AGBL4: variants seen among roughly 807,000 people sequenced by gnomAD.
AGBL4 encodes AGBL carboxypeptidase 4.
AGBL4 carries 58 observed loss-of-function variants against 66.4 expected under a neutral mutation model. That is an observed-to-expected ratio of 0.87 (90% confidence interval 0.71 to 1.09). AGBL4 has a LOEUF of 1.09. Ranked by LOEUF, AGBL4 falls within the 50% of genes least tolerant of loss-of-function variation. The pLI is 0.00. For synonymous variants in AGBL4, 234 were observed against 222.9 expected (o/e 1.05, Z -0.44); for missense variants, 579 against 631.0 (o/e 0.92, Z 0.88).
At chr1:49,118,567 A>G (rs2148037904) in intron 4 of AGBL4, among the ~76,000 whole-genome samples, 1 of 152,312 alleles carries the variant, frequency 6.6e-6, no homozygotes. Flanking sequence ...TGTGGTGGAT[A>G]AGCTTTTTGA....
intron 2 of AGBL4, among the ~76,000 whole-genome samples, chr1:49,765,600 C>A (rs1035812664): frequency 2.6e-5 from 4 of 151,760 alleles, no homozygotes; most frequent in African/African-American, 9.7e-5. Context: ...GGTCTCTAAC[C>A]AAAATGCAAA....
intron 1 of AGBL4, among the ~76,000 whole-genome samples, chr1:49,902,008 C>A (rs963239725): frequency 6.6e-6 from 1 of 152,128 alleles, no homozygotes; most frequent in East Asian, 1.9e-4. Flanking sequence ...GAAACTGGAC[C>A]CCTTCCTTAC....
intron 11 of AGBL4, chr1:48,583,934 T>C (rs1429759515): frequency 2.0e-5 from 3 of 151,210 alleles, no homozygotes; most frequent in Non-Finnish European, 4.4e-5. Context: ...TGAGCTTCCC[T>C]GGTGCAGTTT....
chr1:49,032,146 AG>A (rs1664281631), intron 5 of AGBL4, among the ~76,000 whole-genome samples: 1 of 152,162 alleles, frequency 6.6e-6, no homozygotes, highest in African/African-American at 2.4e-5. Context: ...GGTAGACCAT[AG>A]GCAGCAAGGG....
chr1:49,588,608 G>C (rs537513030), intron 3 of AGBL4, among the ~76,000 whole-genome samples: 2 of 152,230 alleles, frequency 1.3e-5, no homozygotes, highest in Non-Finnish European at 2.9e-5. Context: ...ATTAACACCT[G>C]TTCATTTGAA....
chr1:49,002,096 G>T (rs998513606), intron 5 of AGBL4, among the ~76,000 whole-genome samples: 1 of 152,116 alleles, frequency 6.6e-6, no homozygotes. Flanking sequence ...CAAATATTAC[G>T]TATAATTGAG....
intron 3 of AGBL4, among the ~76,000 whole-genome samples, chr1:49,347,750 C>T (rs1304470591): frequency 6.6e-6 from 1 of 151,502 alleles, no homozygotes; most frequent in African/African-American, 2.4e-5. Context: ...GTCCCAGCTA[C>T]TCGGGAGGCT....
intron 2 of AGBL4, among the ~76,000 whole-genome samples, chr1:49,816,334 C>T (rs1325443787): frequency 6.6e-6 from 1 of 152,088 alleles, no homozygotes; most frequent in African/African-American, 2.4e-5. Flanking sequence ...TGCACAATGT[C>T]CAAAAAGCAT....
At chr1:49,358,184 C>A (rs1181241435) in intron 3 of AGBL4, among the ~76,000 whole-genome samples, 1 of 152,152 alleles carries the variant, frequency 6.6e-6, no homozygotes. Context: ...TAAGGCCCCA[C>A]CTGGGTTTTA....
intron 2 of AGBL4, among the ~76,000 whole-genome samples, chr1:49,832,551 A>C (rs1381868688): frequency 2.0e-5 from 3 of 151,736 alleles, no homozygotes; most frequent in African/African-American, 2.4e-5. Flanking sequence ...TTCTAGTTCT[A>C]GATCCCTGAG....
intron 3 of AGBL4, among the ~76,000 whole-genome samples, chr1:49,487,773 T>C (rs1570843470): frequency 6.6e-6 from 1 of 152,036 alleles, no homozygotes; most frequent in East Asian, 1.9e-4. Context: ...GAAAAACCTA[T>C]GGTCTAGAAA....
chr1:49,222,236 T>C (rs1553168048), intron 4 of AGBL4, among the ~76,000 whole-genome samples: 1 of 151,728 alleles, frequency 6.6e-6, no homozygotes, highest in East Asian at 1.9e-4. Flanking sequence ...TTTAGGTGAC[T>C]TAAAGAAATG....
At chr1:48,595,752 G>T (rs1259945592) in intron 9 of AGBL4, among the ~76,000 whole-genome samples, 7 of 152,170 alleles carry the variant, frequency 4.6e-5, no homozygotes, top group African/African-American at 1.4e-4. Context: ...GGAGGAAATG[G>T]GTTTTCTTTC....
At chr1:49,323,685 C>T (rs1342938723) in intron 3 of AGBL4, among the ~76,000 whole-genome samples, 2 of 150,814 alleles carry the variant, frequency 1.3e-5, no homozygotes, top group Non-Finnish European at 3.0e-5. Context: ...AGGAGAATGG[C>T]GTGAATCCAG....
intron 6 of AGBL4, among the ~76,000 whole-genome samples, chr1:48,666,789 G>C (rs1008695625): frequency 6.6e-6 from 1 of 152,232 alleles, no homozygotes; most frequent in African/African-American, 2.4e-5. Flanking sequence ...CTGTCTTCTA[G>C]GAAGGAGGAC....
At chr1:49,337,227 G>A (rs186377323) in intron 3 of AGBL4, among the ~76,000 whole-genome samples, 7 of 152,248 alleles carry the variant, frequency 4.6e-5, no homozygotes, top group Admixed American at 4.6e-4. Context: ...ATAGCTGATA[G>A]GAAAAGTGTT....
intron 11 of AGBL4, among the ~76,000 whole-genome samples, chr1:48,576,988 A>G (rs1424245885): frequency 6.6e-6 from 1 of 152,188 alleles, no homozygotes; most frequent in Non-Finnish European, 1.5e-5. Flanking sequence ...TTTTACTCTA[A>G]AGGCAGAAAT....
chr1:49,591,153 A>C (rs1421362285), intron 3 of AGBL4, among the ~76,000 whole-genome samples: 2 of 152,090 alleles, frequency 1.3e-5, no homozygotes, highest in East Asian at 3.9e-4. Flanking sequence ...TAAACAATTG[A>C]GATTAGGTGG....
chr1:49,067,613 CT>C (rs1336453665), intron 4 of AGBL4, among the ~76,000 whole-genome samples: 1 of 152,132 alleles, frequency 6.6e-6, no homozygotes, highest in Non-Finnish European at 1.5e-5. Flanking sequence ...TTCCTGACCA[CT>C]TAATTTAAAT....
Sources: gnomAD v4.1 joint callset for allele counts (sites outside exome capture counted in the v4.1 genomes callset) on GRCh38, gnomAD v4.1.1 for gene constraint, MANE v1.5 for transcripts, NCBI Gene and HGNC (gene_info 2026-07-23, HGNC 2026-07-21) for gene names.